The following TONSL variants were observed in gnomAD, a reference collection of about 807,000 sequenced individuals.
The protein encoded by TONSL is tonsoku like, DNA repair protein.
A neutral mutation model predicts 147.1 loss-of-function variants in TONSL; 112 were observed. That is an observed-to-expected ratio of 0.76 (90% CI 0.65 to 0.89). The LOEUF (loss-of-function observed/expected upper bound fraction) is 0.89, where lower values mean the gene tolerates loss of function less well. Ranked by LOEUF, TONSL falls within the 40% of genes least tolerant of loss-of-function variation. The probability of loss-of-function intolerance (pLI) is 0.00; values close to 1 mark genes in which losing one functional copy is unlikely to be tolerated. For missense variants in TONSL, 1,883 were observed against 1,864.6 expected, an observed-to-expected ratio of 1.01 and a Z score of -0.18; for synonymous variants, 868 against 801.5, an observed-to-expected ratio of 1.08 and a Z score of -1.40.
chr8:144,429,251 G>T lies in TONSL; in HGVS notation c.4029C>A (p.Arg1343=). ...GGGCGTCCCTGTCCTCAGCGCAGAGGCGTCTGCTGCACAGCTGCAGTTCCC... is the reference window on the plus strand; with the variant it reads ...GGGCGTCCCTGTCCTCAGCGCAGAGTCGTCTGCTGCACAGCTGCAGTTCCC... ...QLRELQLCSR[R]LCAEDRDALR... is the part of the protein sequence containing the mutation. The change falls in exon 26 of 26, where the codon CGC becomes CGA. Residue 1343 remains arginine (R), a synonymous_variant. Transcript: ENST00000409379. The T allele has an allele frequency of 6.5e-7, 1 of 1,530,106 alleles. No individual in the cohort carries two copies. The allele number at this position is 1,530,106 out of a possible 1,614,324, so 94.8% of individuals were successfully genotyped here.
intron 7 of TONSL, 46 bp downstream of exon 7, chr8:144,441,991 C>T (rs1359270492): frequency 1.9e-6 from 3 of 1,565,994 alleles, no homozygotes; most frequent in Admixed American, 3.3e-5. Flanking sequence ...CCCAGGCTCA[C>T]CCCTGCACAC....
intron 19 of TONSL, 51 bp from the exon 20 acceptor site, chr8:144,434,940 C>G: frequency 1.2e-6 from 2 of 1,611,978 alleles, no homozygotes; most frequent in Non-Finnish European, 1.7e-6. Context: ...CTCACCTCAT[C>G]ATTGCTCTGC....
At position 144,435,861 on chromosome 8, in the gene TONSL, T is replaced by C. The variant is rs1823428631; in HGVS notation, c.2572A>G (p.Arg858Gly). ...PRPRGTGDNRRPSSTSGSDSE... is the reference protein window; with the variant it reads ...PRPRGTGDNRGPSSTSGSDSE... ...TCCGACCCAGAGGTACTACTGGGCC[T>C]GCGGTTGTCTCCAGTGCCCCGGGGG... The change falls in exon 17 of 26, where the codon AGG becomes GGG. Residue 858 changes from arginine (R) to glycine (G), a missense_variant. Arg to Gly is a moderately radical substitution (Grantham distance 125, BLOSUM62 -2). Transcript: ENST00000409379. 1.2e-6 allele frequency: 2 copies of C among 1,606,902 alleles called. No homozygotes were observed. The highest frequency in any genetic ancestry group is 8.5e-7 in the Non-Finnish European group (1 of 1,175,188).
rs968024175 is a variant in TONSL, at chr8:144,444,193, G to A, written c.108C>T (p.Leu36=). ...EAALCHQLGE[L]LAGHGRYAEA... ...CCCGGCGCTCACCATGGCCGGCCAG[G>A]AGCTCCCCCAGCTGGTGGCACAGCG... Residue 36 remains leucine (L), a synonymous_variant, in exon 2 of 26, where the codon CTC becomes CTT. Coordinates refer to ENST00000409379, the MANE Select transcript of TONSL (RefSeq NM_013432.5). The A allele has an allele frequency of 1.3e-4, 182 of 1,453,668 alleles. No individual in the cohort carries two copies. The highest frequency in any genetic ancestry group is 1.5e-4 in the Non-Finnish European group (169 of 1,106,532). The allele number at this position is 1,453,668 out of a possible 1,614,324, so 90.0% of individuals were successfully genotyped here.
At chr8:144,431,259 C>T in intron 23 of TONSL, 108 bp from the exon 24 acceptor site, 1 of 1,017,166 alleles carries the variant, frequency 9.8e-7, no homozygotes, top group Non-Finnish European at 1.5e-6. Context: ...GCAGAGTCCC[C>T]CATCAAGTTG....
chr8:144,443,048 G>T, intron 4 of TONSL, 90 bp downstream of exon 4: 1 of 1,428,636 alleles, frequency 7.0e-7, no homozygotes. Flanking sequence ...TCCAGAAGAC[G>T]GGATTGCCCA....
At chr8:144,434,967 G>A in intron 19 of TONSL, 50 bp downstream of exon 19, 2 of 1,611,316 alleles carry the variant, frequency 1.2e-6, no homozygotes, top group Non-Finnish European at 1.7e-6. Flanking sequence ...GAGCCACCCG[G>A]GGGCTCCCGG....
At chr8:144,431,380 G>C (rs1347281151) in intron 23 of TONSL, among the ~76,000 whole-genome samples, 1 of 152,200 alleles carries the variant, frequency 6.6e-6, no homozygotes, top group African/African-American at 2.4e-5. Flanking sequence ...AGAGCATCAG[G>C]GGCCCTAGTG....
intron 3 of TONSL, 50 bp downstream of exon 3, chr8:144,443,832 G>A: frequency 6.5e-7 from 1 of 1,536,686 alleles, no homozygotes; most frequent in Non-Finnish European, 8.7e-7. Context: ...CCTCAGAAAA[G>A]GGCTCCAGAG....
chr8:144,431,516 TTTTTTG>T (rs1163610871), intron 23 of TONSL, among the ~76,000 whole-genome samples: 1 of 151,802 alleles, frequency 6.6e-6, no homozygotes, highest in African/African-American at 2.4e-5. Context: ...GTTTTTTTCT[TTTTTTG>T]TTTTTTTTTT....
rs187259636 is a variant in TONSL at position 144,435,738 on chromosome 8, C to A, written c.2695G>T (p.Ala899Ser). The A allele has an allele frequency of 6.8e-6, 11 of 1,612,686 alleles. No individual in the cohort carries two copies. Among genetic ancestry groups the A allele is most frequent in the Non-Finnish European group, 9.3e-6 (11 of 1,179,770 alleles). The change falls in exon 17 of 26, where the codon GCT (alanine) becomes TCT (serine). Residue 899 changes from alanine (A) to serine (S), a missense_variant. Ala to Ser is a moderately conservative substitution (Grantham distance 99). Coordinates refer to ENST00000409379, the MANE Select transcript of TONSL (RefSeq NM_013432.5). ...CTGGGGCTCCCTGGAGGTTCTGAAG[C>A]CAGGCTGCTGGGCCCTGCGTTAACT... is the stretch of plus-strand genomic sequence containing the variant. ...APVNAGPSSL[A>S]SEPPGSPSTP...
At chr8:144,438,239 G>A in intron 13 of TONSL, 1 of 587,292 alleles carries the variant, frequency 1.7e-6, no homozygotes, top group Non-Finnish European at 3.0e-6. Context: ...GTCTCACTGT[G>A]TTGCCCAGGC....
At chr8:144,435,594 G>A (rs1047109893) in intron 17 of TONSL, 44 bp from the exon 18 acceptor site, 1 of 1,569,062 alleles carries the variant, frequency 6.4e-7, no homozygotes, top group Non-Finnish European at 8.7e-7. Context: ...GCCACAGTGG[G>A]CTCCACCCTA....
intron 23 of TONSL, 88 bp downstream of exon 23, chr8:144,432,197 A>C: frequency 7.0e-7 from 1 of 1,432,426 alleles, no homozygotes; most frequent in Non-Finnish European, 9.6e-7. Flanking sequence ...TTCAGCCCGA[A>C]TCTGGGGAGA....
chr8:144,429,436 C>T (rs1438562819), intron 25 of TONSL, 100 bp from the exon 26 acceptor site: 4 of 1,169,596 alleles, frequency 3.4e-6, no homozygotes, highest in Non-Finnish European at 4.5e-6. Flanking sequence ...CGCTGAGGGC[C>T]CCAGGGCTGT....
chr8:144,442,679 C>T lies in TONSL; in HGVS notation c.576G>A (p.Ala192=), dbSNP rs755618655. The change falls in exon 5 of 26, where the codon GCG becomes GCA. Residue 192 remains alanine (A), a splice_region_variant and synonymous_variant. Coordinates refer to ENST00000409379, the MANE Select transcript of TONSL (RefSeq NM_013432.5). ...CCTGGGGCGGGGCAGGGCCTTACTC[C>T]GCAAGGAAGATGCTCTTCCTGAAGT... is the stretch of plus-strand genomic sequence containing the variant. The part of the protein sequence containing the change: ...NDYFRKSIFL[A]EQNHLYEDLF... The T allele has an allele frequency of 1.1e-5, 17 of 1,612,326 alleles. No homozygotes were observed. The highest frequency in any genetic ancestry group is 5.5e-5 in the South Asian group (5 of 91,046).
rs544662181 is a variant in TONSL at position 144,432,385 on chromosome 8, C to T, written c.3635G>A (p.Ser1212Asn). The T allele has an allele frequency of 2.0e-5, 32 of 1,611,646 alleles. 1 individual carries two copies. In the South Asian group the frequency reaches 3.0e-4, roughly 15 times the overall value. The change falls in exon 23 of 26, where the codon AGC (serine) becomes AAC (asparagine). Residue 1212 changes from serine (S) to asparagine (N), a missense_variant. By Grantham distance (46) the Ser-to-Asn change is conservative. Coordinates refer to ENST00000409379, the MANE Select transcript of TONSL (RefSeq NM_013432.5). ...GAPALARTLQ[S>N]LPAGTLLHLE... ...GTGCAGGAGGGTGCCGGCGGGCAGG[C>T]TCTGCAGGGTCCTGGCCAGGGCAGG...
At chr8:144,430,378 G>A (rs1554878363) in intron 25 of TONSL, 26 bp downstream of exon 25, 1 of 1,565,154 alleles carries the variant, frequency 6.4e-7, no homozygotes, top group African/African-American at 1.4e-5. Flanking sequence ...GAACATGGCA[G>A]GCGTGGCCAC....
At chr8:144,444,327 G>A in intron 1 of TONSL, 52 bp from the exon 2 acceptor site, 2 of 1,330,056 alleles carry the variant, frequency 1.5e-6, no homozygotes, top group Non-Finnish European at 1.9e-6. Context: ...CGGGGCCGGG[G>A]CCGAGTCCCA....
Sources: allele counts gnomAD v4.1 joint callset (sites outside exome capture counted in the v4.1 genomes callset), GRCh38; gene constraint gnomAD v4.1.1; transcripts MANE v1.5; gene names NCBI Gene and HGNC (gene_info 2026-07-23, HGNC 2026-07-21).